The following TTLL7 variants were observed in gnomAD, a reference collection of about 807,000 sequenced individuals.
The protein encoded by TTLL7 is tubulin tyrosine ligase like 7.
Under a neutral mutation model 120.2 loss-of-function variants are expected in TTLL7, and 53 were observed. The observed-to-expected ratio is 0.44, with a 90% CI of 0.35 to 0.55. The LOEUF (loss-of-function observed/expected upper bound fraction) is 0.55. TTLL7 is among the 20% of genes least tolerant of loss of function. The pLI, the probability that TTLL7 is intolerant of heterozygous loss-of-function variation, is 0.00. For synonymous variants in TTLL7, 353 were observed against 351.7 expected (o/e 1.00, Z -0.04); for missense variants, 803 against 1,054.7 (o/e 0.76, Z 3.31).
intron 17 of TTLL7, among the ~76,000 whole-genome samples, chr1:83,904,759 T>C (rs1657040092): frequency 6.6e-6 from 1 of 152,244 alleles, no homozygotes; most frequent in East Asian, 1.9e-4. Flanking sequence ...TTCATAGTAA[T>C]AAAATATTGA....
intron 1 of TTLL7, among the ~76,000 whole-genome samples, chr1:83,981,968 C>T (rs1242406588): frequency 6.6e-6 from 1 of 152,052 alleles, no homozygotes; most frequent in Non-Finnish European, 1.5e-5. Flanking sequence ...CTATGATTGA[C>T]ATTAGACATT....
At chr1:83,892,690 A>ATG (rs1253968594) in intron 18 of TTLL7, among the ~76,000 whole-genome samples, 121 of 130,904 alleles carry the variant, frequency 9.2e-4, no homozygotes, top group Admixed American at 1.3e-3. Context: ...GAACATATAT[A>ATG]TGAACATATA....
intron 1 of TTLL7, 148 bp from the exon 2 acceptor site, chr1:83,952,535 C>T (rs1649156079): frequency 7.8e-6 from 2 of 256,832 alleles, no homozygotes; most frequent in Admixed American, 1.0e-4. Flanking sequence ...AAACCTTACG[C>T]AAAATGCCAA....
chr1:83,866,992 A>G lies in TTLL7; in HGVS notation c.*2970T>C, dbSNP rs1274357717. ...ATTCCAATCTTAGATTTACTGAATG[A>G]GCAGGGATATGTTTTTCTATAGCAG... On this transcript the variant is annotated 3_prime_UTR_variant, in exon 21 of 21. Transcript: ENST00000260505. 2 of 152,012 alleles carry G rather than the reference A, an allele frequency of 1.3e-5. No homozygotes were observed. The highest frequency in any genetic ancestry group is 4.8e-5 in the African/African-American group (2 of 41,452). 9.4% of individuals were successfully genotyped at this position (152,012 alleles called of 1,614,324 possible). A position where few individuals can be genotyped will look rare whatever the true frequency, so the allele number is the denominator to read the frequency against.
chr1:83,955,353 A>C (rs1045665030), intron 1 of TTLL7, among the ~76,000 whole-genome samples: 2 of 152,214 alleles, frequency 1.3e-5, no homozygotes, highest in African/African-American at 4.8e-5. Flanking sequence ...GTGTCCCTCC[A>C]AAATTCATGT....
intron 7 of TTLL7, among the ~76,000 whole-genome samples, chr1:83,939,551 G>T (rs1259340368): frequency 1.3e-5 from 2 of 152,140 alleles, no homozygotes; most frequent in Non-Finnish European, 2.9e-5. Flanking sequence ...AGAAATAGAA[G>T]CGAAAGCAGC....
chr1:83,998,642 C>CCAT (rs1176161794), intron 1 of TTLL7, among the ~76,000 whole-genome samples: 1 of 152,046 alleles, frequency 6.6e-6, no homozygotes, highest in Non-Finnish European at 1.5e-5. Context: ...CCCCGCCCGC[C>CCAT]CGAGTCTCCC....
intron 19 of TTLL7, chr1:83,890,071 T>C (rs1258773349): frequency 1.8e-6 from 1 of 553,184 alleles, no homozygotes; most frequent in Non-Finnish European, 3.4e-6. Flanking sequence ...AGGATATTGG[T>C]TTGTATTTTC....
intron 18 of TTLL7, chr1:83,901,998 A>ATGTACCT (rs1256152109): frequency 6.6e-6 from 1 of 151,862 alleles, no homozygotes; most frequent in African/African-American, 2.4e-5. Flanking sequence ...GACAACCATT[A>ATGTACCT]TGTACCTTAT....
At chr1:83,898,609 T>C (rs1197758208) in intron 18 of TTLL7, among the ~76,000 whole-genome samples, 1 of 151,976 alleles carries the variant, frequency 6.6e-6, no homozygotes, top group Non-Finnish European at 1.5e-5. Flanking sequence ...GACTCATTAT[T>C]ATATTAGCTC....
rs1557723046 is a variant in TTLL7, at chr1:83,952,284, T to C, written c.-73A>G. Reference sequence around the variant, plus strand: ...CTCAGGAAATCTGGAAATTCCACATTAGTCTAAGTAGGATATGGCCCCAAA... The same window carrying C: ...CTCAGGAAATCTGGAAATTCCACATCAGTCTAAGTAGGATATGGCCCCAAA... On this transcript the variant is annotated 5_prime_UTR_variant, in exon 2 of 21. Transcript: ENST00000260505. The C allele has an allele frequency of 5.2e-6, 8 of 1,532,792 alleles. No homozygotes were observed. Among genetic ancestry groups the C allele is most frequent in the Non-Finnish European group, 5.4e-6 (6 of 1,111,342 alleles). 94.9% of individuals were successfully genotyped at this position (1,532,792 alleles called of 1,614,324 possible).
intron 1 of TTLL7, among the ~76,000 whole-genome samples, chr1:83,986,278 G>C (rs1287530233): frequency 6.6e-6 from 1 of 152,156 alleles, no homozygotes; most frequent in African/African-American, 2.4e-5. Flanking sequence ...TCATGACAAA[G>C]TGAGATTTAT....
At chr1:83,881,248 A>C (rs1173309139) in intron 20 of TTLL7, among the ~76,000 whole-genome samples, 6 of 151,490 alleles carry the variant, frequency 4.0e-5, no homozygotes, top group Non-Finnish European at 5.9e-5. Flanking sequence ...AATGGAATCT[A>C]ATTAAACTAA....
intron 15 of TTLL7, among the ~76,000 whole-genome samples, chr1:83,908,088 A>G (rs1478288600): frequency 2.0e-5 from 3 of 152,090 alleles, no homozygotes; most frequent in Admixed American, 2.0e-4. Context: ...GAACTTTTTC[A>G]AGGTCATACA....
At chr1:83,917,738 A>ATT (rs760972630) in intron 13 of TTLL7, 48 bp from the exon 14 acceptor site, 1 of 1,297,694 alleles carries the variant, frequency 7.7e-7, no homozygotes, top group South Asian at 1.3e-5. Flanking sequence ...TGGACTCTAG[A>ATT]ATTTTTCCAA....
chr1:83,894,057 CTT>C (rs937529636), intron 18 of TTLL7, among the ~76,000 whole-genome samples: 3 of 152,014 alleles, frequency 2.0e-5, no homozygotes, highest in African/African-American at 4.8e-5. Context: ...TAGTTTAACT[CTT>C]TATATTTTTT....
intron 1 of TTLL7, among the ~76,000 whole-genome samples, chr1:83,955,594 C>A (rs1327945228): frequency 6.6e-6 from 1 of 152,168 alleles, no homozygotes; most frequent in African/African-American, 2.4e-5. Context: ...AAACCTGCCA[C>A]CACCTTGATG....
At chr1:83,970,054 AAAAG>A (rs1650836365) in intron 1 of TTLL7, among the ~76,000 whole-genome samples, 1 of 152,034 alleles carries the variant, frequency 6.6e-6, no homozygotes, top group Non-Finnish European at 1.5e-5. Context: ...AGCAATGATG[AAAAG>A]AATCAATTAT....
intron 20 of TTLL7, among the ~76,000 whole-genome samples, chr1:83,878,727 T>C (rs1024340024): frequency 1.3e-5 from 2 of 152,008 alleles, no homozygotes; most frequent in African/African-American, 4.8e-5. Context: ...TTTTTAGCTA[T>C]GGAACCCCTT....
Sources: gnomAD v4.1 joint callset for allele counts (sites outside exome capture counted in the v4.1 genomes callset) on GRCh38, gnomAD v4.1.1 for gene constraint, MANE v1.5 for transcripts, NCBI Gene and HGNC (gene_info 2026-07-23, HGNC 2026-07-21) for gene names.